The following RAB11FIP1 variants were observed in gnomAD, a reference collection of about 807,000 sequenced individuals.
The protein encoded by RAB11FIP1 is rab11 family-interacting protein 1.
Under a neutral mutation model 83.1 loss-of-function variants are expected in RAB11FIP1, and 49 were observed. The ratio of observed to expected loss-of-function variants is 0.59; its 90% confidence interval spans 0.47 to 0.75. The LOEUF is 0.75. Ranked by LOEUF, RAB11FIP1 falls within the 30% of genes least tolerant of loss-of-function variation. RAB11FIP1 has a pLI of 0.00. For synonymous variants in RAB11FIP1, 670 were observed against 656.0 expected, an observed-to-expected ratio of 1.02 and a Z score of -0.33; for missense variants, 1,536 against 1,598.7, an observed-to-expected ratio of 0.96 and a Z score of 0.67.
Position 37,872,331 on chromosome 8 carries a change from G to A in RAB11FIP1, c.2471C>T (p.Ala824Val). The change falls in exon 4 of 6, where the codon GCT becomes GTT. Residue 824 changes from alanine (A) to valine (V), a missense_variant. Ala to Val is a moderately conservative substitution (Grantham distance 64). Coordinates refer to ENST00000330843, the MANE Select transcript of RAB11FIP1 (RefSeq NM_001002814.3). Reference protein sequence around the residue: ...QLFTEEAVAGAALLVEGHSSC... With the variant: ...QLFTEEAVAGVALLVEGHSSC... Reference sequence around the variant, plus strand: ...GCTGTGTCCTTCCACCAGCAAGGCAGCCCCCGCCACTGCCTCTTCCGTGAA... The same window carrying A: ...GCTGTGTCCTTCCACCAGCAAGGCAACCCCCGCCACTGCCTCTTCCGTGAA... The A allele has an allele frequency of 6.2e-7, 1 of 1,614,022 alleles. No individual in the cohort carries two copies. Among genetic ancestry groups the A allele is most frequent in the African/African-American group, 1.3e-5 (1 of 75,022 alleles).
chr8:37,872,280 G>T lies in RAB11FIP1; in HGVS notation c.2522C>A (p.Ala841Glu). The change falls in exon 4 of 6, where the codon GCA (alanine) becomes GAA (glutamate). Residue 841 changes from alanine to glutamate, a missense_variant. Ala to Glu is a moderately radical substitution (Grantham distance 107). Transcript: ENST00000330843. Reference sequence around the variant, plus strand: ...AGACGCGTTTCCAGCAACAGACCATGCAGGGTTCAGCTCCTGGGGACAACT... The same window carrying T: ...AGACGCGTTTCCAGCAACAGACCATTCAGGGTTCAGCTCCTGGGGACAACT... ...HSSCPQELNP[A>E]WSVAGNASDG... is the part of the protein sequence containing the mutation. 6.2e-7 allele frequency: 1 copy of T among 1,614,054 alleles called. No individual in the cohort carries two copies. The highest frequency in any genetic ancestry group is 8.5e-7 in the Non-Finnish European group (1 of 1,179,978).
intron 5 of RAB11FIP1, among the ~76,000 whole-genome samples, chr8:37,864,578 C>T (rs1050267950): frequency 1.3e-5 from 2 of 152,148 alleles, no homozygotes; most frequent in African/African-American, 4.8e-5. Context: ...ACTGCCTGGA[C>T]ACGAGCCAGA....
At chr8:37,868,019 G>A (rs1412136560) in intron 5 of RAB11FIP1, among the ~76,000 whole-genome samples, 1 of 152,136 alleles carries the variant, frequency 6.6e-6, no homozygotes, top group Non-Finnish European at 1.5e-5. Flanking sequence ...GCTGAGGTAG[G>A]ACGATCACTT....
Position 37,872,618 on chromosome 8 carries a change from A to T in RAB11FIP1, c.2184T>A (p.Phe728Leu), listed in dbSNP as rs1806499342. The T allele has an allele frequency of 1.2e-6, 2 of 1,614,240 alleles. No individual in the cohort carries two copies. The stretch of plus-strand genomic sequence containing the variant: ...CTCCATCACTGCTGAGTGAAAGGGC[A>T]AACGGTACTTCCTGGGCTTCTCCAG... ...PSSGEAQEVP[F>L]ALSLSSDGAV... Residue 728 changes from phenylalanine (F) to leucine (L), a missense_variant, in exon 4 of 6, where the codon TTT (phenylalanine) becomes TTA (leucine). Phe to Leu is a conservative substitution (Grantham distance 22, BLOSUM62 0). Coordinates refer to ENST00000330843, the MANE Select transcript of RAB11FIP1 (RefSeq NM_001002814.3).
At chr8:37,884,797 C>T (rs186453962) in intron 1 of RAB11FIP1, among the ~76,000 whole-genome samples, 69 of 152,090 alleles carry the variant, frequency 4.5e-4, no homozygotes, top group Non-Finnish European at 8.8e-4. Flanking sequence ...GATCTGCCTG[C>T]CTTAGCCTCC....
intron 5 of RAB11FIP1, among the ~76,000 whole-genome samples, chr8:37,864,026 A>G (rs1037716193): frequency 1.9e-4 from 29 of 152,170 alleles, no homozygotes; most frequent in Non-Finnish European, 2.9e-5. Flanking sequence ...GCTCAGAAGG[A>G]CTCAATGAGC....
At chr8:37,879,443 G>A (rs1406202477) in intron 1 of RAB11FIP1, among the ~76,000 whole-genome samples, 1 of 152,224 alleles carries the variant, frequency 6.6e-6, no homozygotes, top group African/African-American at 2.4e-5. Context: ...GATTGCCGGA[G>A]GAGGGGAAGG....
At chr8:37,887,000 G>T (rs933200888) in intron 1 of RAB11FIP1, among the ~76,000 whole-genome samples, 2 of 152,128 alleles carry the variant, frequency 1.3e-5, no homozygotes, top group African/African-American at 4.8e-5. Flanking sequence ...TTTAACGAGC[G>T]CTGGTATTGA....
At chr8:37,889,877 A>G (rs1393914164) in intron 1 of RAB11FIP1, among the ~76,000 whole-genome samples, 8 of 152,036 alleles carry the variant, frequency 5.3e-5, no homozygotes, top group Admixed American at 2.0e-4. Flanking sequence ...TCTGCCTCCC[A>G]GGTTCAAGTG....
Position 37,871,647 on chromosome 8 carries a change from T to A in RAB11FIP1, c.3155A>T (p.His1052Leu). The change falls in exon 4 of 6, where the codon CAC becomes CTC. Residue 1052 changes from histidine to leucine, a missense_variant. Coordinates refer to ENST00000330843, the MANE Select transcript of RAB11FIP1 (RefSeq NM_001002814.3). ...TGAGCTCTTGCCAAGATGTGGTTTG[T>A]GAATTCCGAACTCTGTGGTCTGCTC... ...PSEQTTEFGI[H>L]KPHLGKSSSL... 6.2e-7 allele frequency: 1 copy of A among 1,611,550 alleles called. No homozygotes were observed. Among genetic ancestry groups the A allele is most frequent in the Non-Finnish European group, 8.5e-7 (1 of 1,178,116 alleles).
chr8:37,868,947 G>A (rs4976896), intron 5 of RAB11FIP1, among the ~76,000 whole-genome samples: 114,277 of 152,096 alleles, frequency 0.75, 43,210 homozygotes, highest in East Asian at 0.98. Flanking sequence ...ACAGAAAACA[G>A]GCTGTGCATC....
In RAB11FIP1 at chr8:37,899,376, C is replaced by G; in HGVS notation, c.66G>C (p.Val22=). The change falls in exon 1 of 6, where the codon GTG becomes GTC. Residue 22 remains valine, a synonymous_variant. Coordinates refer to ENST00000330843, the MANE Select transcript of RAB11FIP1 (RefSeq NM_001002814.3). This position sits in a 1 kb window ranked among gnomAD's most constrained non-coding sequence, Gnocchi z 4.5. ...GAVWSPTHVQ[V]TVLQARGLRA... ...GCAGGCCCCGCGCCTGCAGCACCGTCACCTGCACGTGGGTTGGGGACCACA... is the reference window on the plus strand; with the variant it reads ...GCAGGCCCCGCGCCTGCAGCACCGTGACCTGCACGTGGGTTGGGGACCACA... 1 of 1,604,228 alleles carries G rather than the reference C, an allele frequency of 6.2e-7. No homozygotes were observed. The highest frequency in any genetic ancestry group is 8.5e-7 in the Non-Finnish European group (1 of 1,176,300).
Position 37,859,725 on chromosome 8 carries a change from C to G in RAB11FIP1, c.*3170G>C, listed in dbSNP as rs1342543005. The G allele has an allele frequency of 2.0e-5, 3 of 152,244 alleles. No individual in the cohort carries two copies. Among genetic ancestry groups the G allele is most frequent in the Non-Finnish European group, 4.4e-5 (3 of 68,060 alleles). The allele number at this position is 152,244 out of a possible 1,614,324, so 9.4% of individuals were successfully genotyped here. A position where few individuals can be genotyped will look rare whatever the true frequency, so the allele number is the denominator to read the frequency against. On this transcript the variant is annotated 3_prime_UTR_variant, in exon 6 of 6. Transcript: ENST00000330843. Reference sequence around the variant, plus strand: ...GTCCTGACTGCTCTTTCTGAGGCAGCCAGGCTAGGCCAAGAAATGAGCTGC... The same window carrying G: ...GTCCTGACTGCTCTTTCTGAGGCAGGCAGGCTAGGCCAAGAAATGAGCTGC...
At chr8:37,882,292 T>A (rs1430256865) in intron 1 of RAB11FIP1, among the ~76,000 whole-genome samples, 1 of 152,152 alleles carries the variant, frequency 6.6e-6, no homozygotes, top group Admixed American at 6.5e-5. Flanking sequence ...TCCCAGAAAG[T>A]TAGGTATTCC....
At chr8:37,876,251 A>G (rs1035843681) in intron 2 of RAB11FIP1, among the ~76,000 whole-genome samples, 5 of 150,996 alleles carry the variant, frequency 3.3e-5, no homozygotes, top group Non-Finnish European at 7.4e-5. Flanking sequence ...GGAAGGAAGG[A>G]AGGAAGGAAG....
At chr8:37,895,057 CAT>C (rs900311296) in intron 1 of RAB11FIP1, among the ~76,000 whole-genome samples, 15 of 144,276 alleles carry the variant, frequency 1.0e-4, no homozygotes, top group Admixed American at 4.2e-4. Context: ...TACGCCCAGC[CAT>C]ATATATATAT....
chr8:37,898,234 G>C (rs972190370), intron 1 of RAB11FIP1, among the ~76,000 whole-genome samples: 4 of 152,358 alleles, frequency 2.6e-5, no homozygotes, highest in African/African-American at 7.2e-5. Context: ...CCCCAGGCCC[G>C]GCGCGGTGGC....
rs373976164 is a variant in RAB11FIP1 at position 37,863,126 on chromosome 8, G to A, written c.3634-13C>T. On this transcript the variant is annotated splice_polypyrimidine_tract_variant and intron_variant, in intron 5 of 5. Transcript: ENST00000330843. ...AGGGGCTGTATTTCTTTGGAGGGGG[G>A]GAAATAGTTGGGAAAAAGGAGTTAT... 7 of 1,596,868 alleles carry A rather than the reference G, an allele frequency of 4.4e-6. No homozygotes were observed. In the East Asian group the frequency reaches 6.7e-5, roughly 15 times the overall value.
intron 1 of RAB11FIP1, among the ~76,000 whole-genome samples, chr8:37,878,803 C>T (rs1016069685): frequency 6.6e-6 from 1 of 151,528 alleles, no homozygotes; most frequent in Non-Finnish European, 1.5e-5. Context: ...AGTTCAAGAC[C>T]AGCCTGGGCA....
Sources: gnomAD v4.1 joint callset for allele counts (sites outside exome capture counted in the v4.1 genomes callset) on GRCh38, gnomAD v4.1.1 for gene constraint, Gnocchi (gnomAD v3.1) non-coding constraint, MANE v1.5 for transcripts, NCBI Gene and HGNC (gene_info 2026-07-23, HGNC 2026-07-21) for gene names.